Variants in OR9Q1 observed in about 807,000 individuals in gnomAD.
OR9Q1 encodes the protein olfactory receptor family 9 subfamily Q member 1.
For missense variants in OR9Q1, 374 were observed against 378.8 expected (o/e 0.99, Z 0.11); for synonymous variants, 153 against 148.6 (o/e 1.03, Z -0.22).
intron 1 of OR9Q1, chr11:58,044,840 T>C (rs1344399598): frequency 1.3e-5 from 2 of 152,170 alleles, no homozygotes; most frequent in African/African-American, 2.4e-5. Flanking sequence ...TTAACATCTC[T>C]AAGCTTCAGA....
At chr11:58,039,873 G>C (rs949412170) in intron 1 of OR9Q1, among the ~76,000 whole-genome samples, 2 of 152,130 alleles carry the variant, frequency 1.3e-5, no homozygotes, top group Non-Finnish European at 2.9e-5. Flanking sequence ...CAAGGTAAAG[G>C]TTTTGCCACT....
At chr11:58,053,386 G>A (rs1391307336) in intron 1 of OR9Q1, among the ~76,000 whole-genome samples, 2 of 141,648 alleles carry the variant, frequency 1.4e-5, no homozygotes, top group African/African-American at 5.2e-5. Context: ...CTCATAGGTG[G>A]GAATTGAACA....
intron 2 of OR9Q1, among the ~76,000 whole-genome samples, chr11:58,101,867 C>T (rs1423027501): frequency 1.3e-5 from 2 of 152,162 alleles, no homozygotes; most frequent in East Asian, 3.9e-4. Context: ...CTGCCTCAGC[C>T]TCCCGAGTAG....
intron 2 of OR9Q1, among the ~76,000 whole-genome samples, chr11:58,110,300 A>G (rs1853886918): frequency 6.6e-6 from 1 of 152,110 alleles, no homozygotes; most frequent in African/African-American, 2.4e-5. Flanking sequence ...CCACTTTTAT[A>G]TAGTTTCTTC....
chr11:58,114,413 G>A (rs1853931502), intron 2 of OR9Q1, among the ~76,000 whole-genome samples: 1 of 152,162 alleles, frequency 6.6e-6, no homozygotes, highest in South Asian at 2.1e-4. Flanking sequence ...CCCTTAGTGG[G>A]GGTTGTGTGA....
intron 2 of OR9Q1, among the ~76,000 whole-genome samples, chr11:58,171,874 A>T (rs1218988541): frequency 6.6e-6 from 1 of 152,168 alleles, no homozygotes; most frequent in African/African-American, 2.4e-5. Context: ...GTTTTCCATA[A>T]AGTCCAGCTC....
chr11:58,164,884 C>A (rs1032025577), intron 2 of OR9Q1, among the ~76,000 whole-genome samples: 5 of 152,160 alleles, frequency 3.3e-5, no homozygotes, highest in African/African-American at 9.7e-5. Flanking sequence ...ATTTGCTGTT[C>A]CCTCTGCTAG....
chr11:58,156,712 ACTT>A (rs1273758912), intron 2 of OR9Q1, among the ~76,000 whole-genome samples: 1 of 152,116 alleles, frequency 6.6e-6, no homozygotes, highest in Non-Finnish European at 1.5e-5. Flanking sequence ...ATTCCCTGAG[ACTT>A]CTTCTGTGTA....
intron 1 of OR9Q1, among the ~76,000 whole-genome samples, chr11:58,042,236 A>T (rs934346337): frequency 3.9e-5 from 6 of 152,114 alleles, no homozygotes; most frequent in African/African-American, 1.2e-4. Context: ...TCTTTCCTGG[A>T]TGGTAATGCC....
At chr11:58,177,275 A>C (rs572202896) in intron 2 of OR9Q1, among the ~76,000 whole-genome samples, 3 of 152,170 alleles carry the variant, frequency 2.0e-5, no homozygotes, top group South Asian at 4.1e-4. Flanking sequence ...AGGCTGTTGG[A>C]ATAATCAGGT....
chr11:58,175,670 G>GT (rs969264650), intron 2 of OR9Q1, among the ~76,000 whole-genome samples: 38 of 151,064 alleles, frequency 2.5e-4, no homozygotes, highest in Admixed American at 4.6e-4. Flanking sequence ...AGGCATTGTG[G>GT]TTTTTTTTTG....
intron 2 of OR9Q1, chr11:58,125,452 A>G (rs1230809644): frequency 6.6e-6 from 1 of 152,160 alleles, no homozygotes; most frequent in African/African-American, 2.4e-5. Flanking sequence ...ATTCAGTTGG[A>G]TTTATCTTGG....
At chr11:58,028,735 A>T (rs1853000190) in intron 1 of OR9Q1, among the ~76,000 whole-genome samples, 1 of 152,226 alleles carries the variant, frequency 6.6e-6, no homozygotes, top group Non-Finnish European at 1.5e-5. Flanking sequence ...CAATGCAATT[A>T]TGTGAGAGGA....
At chr11:58,110,794 G>A (rs947607148) in intron 2 of OR9Q1, among the ~76,000 whole-genome samples, 8 of 152,140 alleles carry the variant, frequency 5.3e-5, no homozygotes, top group Non-Finnish European at 8.8e-5. Flanking sequence ...TAGAAATCAG[G>A]CTGATTATTC....
At chr11:58,101,499 A>G (rs1853783079) in intron 2 of OR9Q1, among the ~76,000 whole-genome samples, 1 of 152,000 alleles carries the variant, frequency 6.6e-6, no homozygotes, top group African/African-American at 2.4e-5. Context: ...TTTACTTCTT[A>G]CTGATTTGAG....
chr11:58,157,633 C>T (rs1854420086), intron 2 of OR9Q1, among the ~76,000 whole-genome samples: 1 of 152,200 alleles, frequency 6.6e-6, no homozygotes, highest in Non-Finnish European at 1.5e-5. Context: ...TAATGCTACA[C>T]ATCAGGCTTG....
At chr11:58,133,004 A>G (rs1279531031) in intron 2 of OR9Q1, among the ~76,000 whole-genome samples, 3 of 152,156 alleles carry the variant, frequency 2.0e-5, no homozygotes, top group African/African-American at 7.2e-5. Flanking sequence ...GGTGCTGAAG[A>G]TGTCTATTTA....
At position 58,133,128 on chromosome 11, in the gene OR9Q1, T is replaced by A. The variant is rs529325710; in HGVS notation, c.-14-46303T>A. Among the ~76,000 whole-genome samples the A allele has an allele frequency of 2.0e-3, 306 of 152,294 alleles. 1 individual carries two copies. Among genetic ancestry groups the A allele is most frequent in the Non-Finnish European group, 3.1e-3 (214 of 68,018 alleles). On this transcript the variant is annotated intron_variant, in intron 2 of 2. Transcript: ENST00000335397. ...TGAAGGTGAGCATGGCCATAGTAGATCAGAGAGAAAATGCACTACAGACCA... is the reference window on the plus strand; with the variant it reads ...TGAAGGTGAGCATGGCCATAGTAGAACAGAGAGAAAATGCACTACAGACCA...
intron 2 of OR9Q1, chr11:58,077,366 C>A (rs1853547345): frequency 6.6e-6 from 1 of 152,140 alleles, no homozygotes; most frequent in African/African-American, 2.4e-5. Flanking sequence ...TCTCAAAAAC[C>A]CAGAAGTTAC....
Sources: gnomAD v4.1 joint callset for allele counts (sites outside exome capture counted in the v4.1 genomes callset) on GRCh38, gnomAD v4.1.1 for gene constraint, MANE v1.5 for transcripts, NCBI Gene and HGNC (gene_info 2026-07-23, HGNC 2026-07-21) for gene names.